C6: variants seen among roughly 807,000 people sequenced by gnomAD.
C6 encodes complement C6, also known as complement component C6.
Under a neutral mutation model 112.9 loss-of-function variants are expected in C6, and 101 were observed. The ratio of observed to expected loss-of-function variants is 0.89; its 90% CI spans 0.76 to 1.06. The LOEUF (loss-of-function observed/expected upper bound fraction) is 1.06, where lower values mean the gene tolerates loss of function less well. Among genes scored for constraint, C6 ranks in the 50% least tolerant of loss-of-function variants. The pLI is 0.00. For synonymous variants in C6, 431 were observed against 384.1 expected (o/e 1.12, Z -1.43); for missense variants, 1,202 against 1,104.6 (o/e 1.09, Z -1.25).
At chr5:41,225,269 T>C (rs1377790172) in intron 1 of C6, among the ~76,000 whole-genome samples, 3 of 151,980 alleles carry the variant, frequency 2.0e-5, no homozygotes, top group Non-Finnish European at 4.4e-5. Flanking sequence ...CCTGTGTCCA[T>C]GTGTTCTCAT....
chr5:41,143,299 G>T (rs1006699341), intron 17 of C6, among the ~76,000 whole-genome samples: 2 of 152,068 alleles, frequency 1.3e-5, no homozygotes, highest in African/African-American at 4.8e-5. Context: ...TAAAGAGTTG[G>T]CCTATTTCTG....
In C6 at chr5:41,142,756, C is replaced by A; in HGVS notation, c.*69G>T. On this transcript the variant is annotated 3_prime_UTR_variant, in exon 18 of 18. Coordinates refer to ENST00000337836, the MANE Select transcript of C6 (RefSeq NM_000065.5). Reference sequence around the variant, plus strand: ...CCAGTCTGCTGTTTGTGCAAGAATTCTCATTTGTAGGAGTTGGTTCTTCGG... The same window carrying A: ...CCAGTCTGCTGTTTGTGCAAGAATTATCATTTGTAGGAGTTGGTTCTTCGG... 2 of 1,227,144 alleles carry A rather than the reference C, an allele frequency of 1.6e-6. No homozygotes were observed. The highest frequency in any genetic ancestry group is 2.3e-5 in the East Asian group (1 of 42,604). 76.0% of individuals were successfully genotyped at this position (1,227,144 alleles called of 1,614,324 possible).
At chr5:41,240,007 C>G (rs1740596760) in intron 1 of C6, among the ~76,000 whole-genome samples, 1 of 152,120 alleles carries the variant, frequency 6.6e-6, no homozygotes, top group African/African-American at 2.4e-5. Flanking sequence ...TGTGACTAGA[C>G]ACTTTTCTCT....
intron 1 of C6, among the ~76,000 whole-genome samples, chr5:41,223,618 T>C (rs937983845): frequency 6.6e-6 from 1 of 152,202 alleles, no homozygotes; most frequent in African/African-American, 2.4e-5. Context: ...CAGTTTATTT[T>C]AATAAGAACT....
At chr5:41,179,371 CTA>C (rs1749129656) in intron 7 of C6, among the ~76,000 whole-genome samples, 1 of 152,044 alleles carries the variant, frequency 6.6e-6, no homozygotes, top group African/African-American at 2.4e-5. Context: ...AGGACTGTAC[CTA>C]TGTCTCATAC....
chr5:41,189,356 C>A (rs1750024230), intron 5 of C6, among the ~76,000 whole-genome samples: 1 of 151,848 alleles, frequency 6.6e-6, no homozygotes. Flanking sequence ...TCATACTAGT[C>A]AAAGTAGGAA....
chr5:41,188,035 C>T (rs528704565), intron 5 of C6, among the ~76,000 whole-genome samples: 281 of 152,052 alleles, frequency 1.8e-3, no homozygotes, highest in Non-Finnish European at 3.2e-3. Context: ...TTTATAATAG[C>T]CTCTCAAAGA....
intron 1 of C6, among the ~76,000 whole-genome samples, chr5:41,229,057 G>C (rs1739708814): frequency 6.6e-6 from 1 of 152,136 alleles, no homozygotes; most frequent in Admixed American, 6.5e-5. Context: ...GGAGGTTGCA[G>C]TGAGCCAAGA....
intron 13 of C6, among the ~76,000 whole-genome samples, chr5:41,158,294 C>A (rs1426092541): frequency 6.6e-6 from 1 of 152,120 alleles, no homozygotes; most frequent in Non-Finnish European, 1.5e-5. Context: ...ACAGAATTAA[C>A]ACCTCCATGA....
intron 5 of C6, among the ~76,000 whole-genome samples, chr5:41,188,869 A>G (rs1039528594): frequency 2.0e-5 from 3 of 152,058 alleles, no homozygotes; most frequent in African/African-American, 4.8e-5. Flanking sequence ...TCCAAGTCAC[A>G]TATCTAATGA....
At chr5:41,169,580 A>G (rs2150294901) in intron 9 of C6, among the ~76,000 whole-genome samples, 1 of 152,264 alleles carries the variant, frequency 6.6e-6, no homozygotes, top group African/African-American at 2.4e-5. Context: ...TAATTGGGTC[A>G]CCGTTCCACA....
chr5:41,146,383 C>G (rs1470892415), intron 17 of C6, among the ~76,000 whole-genome samples: 1 of 152,134 alleles, frequency 6.6e-6, no homozygotes, highest in Non-Finnish European at 1.5e-5. Context: ...ATCAAGAACA[C>G]AGTTTAATCA....
intron 1 of C6, among the ~76,000 whole-genome samples, chr5:41,235,058 C>CTTTTTTTTTTTT (rs11340018): frequency 8.0e-6 from 1 of 124,816 alleles, no homozygotes; most frequent in Admixed American, 7.9e-5. Context: ...CATTCTCATT[C>CTTTTTTTTTTTT]TTTTTTTTTT....
intron 8 of C6, among the ~76,000 whole-genome samples, chr5:41,175,745 A>G (rs911044607): frequency 6.6e-6 from 1 of 152,302 alleles, no homozygotes; most frequent in African/African-American, 2.4e-5. Context: ...AAGAGCAGAG[A>G]TTTCCCCTAA....
chr5:41,147,261 A>C (rs1297741698), intron 17 of C6, among the ~76,000 whole-genome samples: 2 of 152,184 alleles, frequency 1.3e-5, no homozygotes, highest in African/African-American at 4.8e-5. Context: ...AAAAATGAAT[A>C]GTAGAGTTTT....
intron 1 of C6, among the ~76,000 whole-genome samples, chr5:41,241,225 C>T (rs1740693198): frequency 6.6e-6 from 1 of 152,172 alleles, no homozygotes; most frequent in African/African-American, 2.4e-5. Context: ...TGGGGTTCTG[C>T]CAGTGGCAGC....
At chr5:41,204,198 C>T (rs186382335) in intron 1 of C6, among the ~76,000 whole-genome samples, 70 of 152,268 alleles carry the variant, frequency 4.6e-4, no homozygotes, top group Admixed American at 1.0e-3. Context: ...AAATGCCATT[C>T]GCCTAATTTT....
upstream of C6, chr5:41,213,683 G>T: frequency 3.7e-6 from 1 of 266,672 alleles, no homozygotes; most frequent in Non-Finnish European, 5.8e-6. Flanking sequence ...AAGGGCTATT[G>T]TAGTAGCTAT....
intron 9 of C6, among the ~76,000 whole-genome samples, chr5:41,163,102 C>T (rs1160339764): frequency 6.6e-6 from 1 of 151,722 alleles, no homozygotes; most frequent in Non-Finnish European, 1.5e-5. Flanking sequence ...TGAGCAAGTG[C>T]CTTAAAAAGA....
Sources: gnomAD v4.1 joint callset for allele counts (sites outside exome capture counted in the v4.1 genomes callset) on GRCh38, gnomAD v4.1.1 for gene constraint, MANE v1.5 for transcripts, NCBI Gene and HGNC (gene_info 2026-07-23, HGNC 2026-07-21) for gene names.